NCOA3: variants seen among roughly 807,000 people sequenced by gnomAD.
NCOA3 encodes nuclear receptor coactivator 3.
NCOA3 carries 51 observed loss-of-function variants against 158.8 expected under a neutral mutation model. That is an observed-to-expected ratio of 0.32 (90% CI 0.26 to 0.41). NCOA3 has a LOEUF of 0.41. Among genes scored for constraint, NCOA3 ranks in the 10% least tolerant of loss-of-function variants. The pLI, the probability that NCOA3 is intolerant of heterozygous loss-of-function variation, is 1.00. For missense variants in NCOA3, 1,510 were observed against 1,746.6 expected (o/e 0.86, Z 2.41); for synonymous variants, 537 against 592.4 (o/e 0.91, Z 1.36).
chr20:47,511,128 T>C (rs1183997235), intron 1 of NCOA3, among the ~76,000 whole-genome samples: 1 of 152,124 alleles, frequency 6.6e-6, no homozygotes, highest in Non-Finnish European at 1.5e-5. Context: ...CAATCAGTGA[T>C]AAGTCGGTTT....
At chr20:47,502,467 A>ACC (rs796507995) in intron 1 of NCOA3, among the ~76,000 whole-genome samples, 5 of 144,736 alleles carry the variant, frequency 3.5e-5, no homozygotes, top group African/African-American at 1.3e-4. Flanking sequence ...AGCCGCGGGG[A>ACC]CCCCCCCCAC....
chr20:47,514,293 A>G (rs1399761293), intron 1 of NCOA3, among the ~76,000 whole-genome samples: 1 of 152,074 alleles, frequency 6.6e-6, no homozygotes, highest in Non-Finnish European at 1.5e-5. Context: ...ACAGTTCTTC[A>G]TAACCCAATT....
At chr20:47,551,668 AGTG>A (rs1191521260) in intron 1 of NCOA3, among the ~76,000 whole-genome samples, 1 of 152,236 alleles carries the variant, frequency 6.6e-6, no homozygotes, top group Non-Finnish European at 1.5e-5. Flanking sequence ...TGATTAAAAT[AGTG>A]GTGATTCTGT....
At position 47,636,418 on chromosome 20, in the gene NCOA3, T is replaced by G. The variant is rs1166375919; in HGVS notation, c.2032T>G (p.Leu678Val). 6.2e-6 allele frequency: 10 copies of G among 1,613,980 alleles called. 1 individual carries two copies. The Admixed American group carries it at 8.3e-5, about 13-fold the overall frequency. Residue 678 changes from leucine (L) to valine (V), a missense_variant, in exon 12 of 23, where the codon TTA becomes GTA. By Grantham distance (32) the Leu-to-Val change is conservative. Coordinates refer to ENST00000371998, the MANE Select transcript of NCOA3 (RefSeq NM_181659.3). The part of the protein sequence containing the change: ...SSTSNMHGSL[L>V]QEKHRILHKL... ...TACATCCAATATGCATGGGTCACTG[T>G]TACAAGAGAAGCACCGGATTTTGCA...
At chr20:47,563,096 C>G (rs770855472) in intron 1 of NCOA3, among the ~76,000 whole-genome samples, 4 of 152,168 alleles carry the variant, frequency 2.6e-5, no homozygotes, top group Admixed American at 6.6e-5. Context: ...GTCTACATTT[C>G]TCATACTTCT....
intron 1 of NCOA3, among the ~76,000 whole-genome samples, chr20:47,558,063 T>C (rs572669614): frequency 5.4e-4 from 80 of 147,802 alleles, no homozygotes; most frequent in Middle Eastern, 3.4e-3. Context: ...TTCTTTCTTT[T>C]TTTTTTTTTT....
Position 47,636,356 on chromosome 20 carries a change from C to G in NCOA3, c.1970C>G (p.Ser657Cys), listed in dbSNP as rs763311885. The change falls in exon 12 of 23, where the codon TCT becomes TGT. Residue 657 changes from serine to cysteine, a missense_variant. Physicochemically the swap from Ser to Cys is moderately radical, Grantham distance 112. Coordinates refer to ENST00000371998, the MANE Select transcript of NCOA3 (RefSeq NM_181659.3). The stretch of plus-strand genomic sequence containing the variant: ...TCTTCTGTTAGTGTCACCAGCCCCT[C>G]TGGAGTCTCCTCCTCTACATCTGGA... ...KESSVSVTSP[S>C]GVSSSTSGGV... 4.3e-6 allele frequency: 7 copies of G among 1,614,212 alleles called. No homozygotes were observed. In the South Asian group the frequency reaches 4.4e-5, roughly 10 times the overall value.
intron 8 of NCOA3, chr20:47,631,504 C>A (rs1195926321): frequency 6.6e-6 from 1 of 152,124 alleles, no homozygotes; most frequent in African/African-American, 2.4e-5. Flanking sequence ...TGTCATGAAA[C>A]CTTCTTTAAT....
chr20:47,614,055 A>AT (rs2086090974), intron 2 of NCOA3, among the ~76,000 whole-genome samples: 1 of 134,978 alleles, frequency 7.4e-6, no homozygotes, highest in Non-Finnish European at 1.6e-5. Context: ...GGAAGCTTTT[A>AT]TAACAGTTCC....
At chr20:47,583,932 G>A (rs2146223192) in intron 2 of NCOA3, among the ~76,000 whole-genome samples, 1 of 152,020 alleles carries the variant, frequency 6.6e-6, no homozygotes, top group African/African-American at 2.4e-5. Context: ...CTCTAGCCTG[G>A]GCAACAGAAT....
chr20:47,553,809 T>C (rs2084960005), intron 1 of NCOA3, among the ~76,000 whole-genome samples: 1 of 152,110 alleles, frequency 6.6e-6, no homozygotes, highest in South Asian at 2.1e-4. Flanking sequence ...TGTTGGACAT[T>C]TGGGTTGGTT....
At chr20:47,573,379 GAC>G (rs2146205472) in intron 1 of NCOA3, among the ~76,000 whole-genome samples, 1 of 148,096 alleles carries the variant, frequency 6.8e-6, no homozygotes, top group East Asian at 2.0e-4. Flanking sequence ...CAGCCTGGGT[GAC>G]AGGGCAAGAC....
At chr20:47,530,298 G>A (rs2084523868) in intron 1 of NCOA3, among the ~76,000 whole-genome samples, 1 of 152,060 alleles carries the variant, frequency 6.6e-6, no homozygotes, top group African/African-American at 2.4e-5. Flanking sequence ...TAGTTACAGT[G>A]CTGCATACAT....
At chr20:47,536,160 G>A (rs992355185) in intron 1 of NCOA3, among the ~76,000 whole-genome samples, 1 of 152,148 alleles carries the variant, frequency 6.6e-6, no homozygotes, top group African/African-American at 2.4e-5. Context: ...ACTTAGGTCC[G>A]TGAGCACAGG....
At chr20:47,512,569 TAAAAAAAA>T (rs762228515) in intron 1 of NCOA3, among the ~76,000 whole-genome samples, 1 of 84,778 alleles carries the variant, frequency 1.2e-5, no homozygotes, top group Non-Finnish European at 2.3e-5. Context: ...TCTGTCTCAC[TAAAAAAAA>T]AAAAAAAAAA....
rs2086517826 is a variant in NCOA3 at position 47,636,417 on chromosome 20, G to C, written c.2031G>C (p.Leu677=). 4 of 1,614,010 alleles carry C rather than the reference G, an allele frequency of 2.5e-6. No individual in the cohort carries two copies. Among genetic ancestry groups the C allele is most frequent in the Non-Finnish European group, 3.4e-6 (4 of 1,180,036 alleles). The change falls in exon 12 of 23, where the codon CTG becomes CTC. Residue 677 remains leucine, a synonymous_variant. Coordinates refer to ENST00000371998, the MANE Select transcript of NCOA3 (RefSeq NM_181659.3). ...CTACATCCAATATGCATGGGTCACT[G>C]TTACAAGAGAAGCACCGGATTTTGC... is the stretch of plus-strand genomic sequence containing the variant. ...VSSTSNMHGS[L]LQEKHRILHK...
intron 1 of NCOA3, among the ~76,000 whole-genome samples, chr20:47,549,991 C>T (rs2084903726): frequency 6.6e-6 from 1 of 152,168 alleles, no homozygotes; most frequent in South Asian, 2.1e-4. Flanking sequence ...AGGCGTGAGC[C>T]ACTGTGCTGG....
intron 12 of NCOA3, 45 bp downstream of exon 12, chr20:47,636,807 C>G (rs761985719): frequency 6.7e-7 from 1 of 1,501,644 alleles, no homozygotes; most frequent in Non-Finnish European, 9.0e-7. Flanking sequence ...CATCATTTTT[C>G]GGTGTTAGAT....
At position 47,649,011 on chromosome 20, in the gene NCOA3, A is replaced by T; in HGVS notation, c.3553A>T (p.Asn1185Tyr). The T allele has an allele frequency of 6.2e-7, 1 of 1,612,058 alleles. No homozygotes were observed. Among genetic ancestry groups the T allele is most frequent in the Non-Finnish European group, 8.5e-7 (1 of 1,178,476 alleles). The change falls in exon 19 of 23, where the codon AAT (asparagine) becomes TAT (tyrosine). Residue 1185 changes from asparagine (N) to tyrosine (Y), a missense_variant. By Grantham distance (143) the Asn-to-Tyr change is moderately radical (BLOSUM62 -2). Coordinates refer to ENST00000371998, the MANE Select transcript of NCOA3 (RefSeq NM_181659.3). ...QQRLQGQQFL[N>Y]QSRQALELKM... ...CCAACTTGTCTCACCTCAGTTTTTG[A>T]ATCAGAGCCGACAGGCACTTGAATT...
Sources: gnomAD v4.1 joint callset for allele counts (sites outside exome capture counted in the v4.1 genomes callset) on GRCh38, gnomAD v4.1.1 for gene constraint, MANE v1.5 for transcripts, NCBI Gene and HGNC (gene_info 2026-07-23, HGNC 2026-07-21) for gene names.